The following IL1RAPL1 variants were observed in gnomAD, a reference collection of about 807,000 sequenced individuals.
IL1RAPL1 encodes interleukin 1 receptor accessory protein like 1.
A neutral mutation model predicts 48.4 loss-of-function variants in IL1RAPL1; 3 were observed. The ratio of observed to expected loss-of-function variants is 0.06; its 90% CI spans 0.03 to 0.16. The LOEUF (loss-of-function observed/expected upper bound fraction) is 0.16, where lower values mean the gene tolerates loss of function less well. IL1RAPL1 is among the 10% of genes least tolerant of loss of function. The pLI, the probability that IL1RAPL1 is intolerant of heterozygous loss-of-function variation, is 1.00. For missense variants in IL1RAPL1, 349 were observed against 530.6 expected (o/e 0.66, Z 3.36); for synonymous variants, 185 against 187.7 (o/e 0.99, Z 0.12).
intron 6 of IL1RAPL1, among the ~76,000 whole-genome samples, chrX:29,865,636 C>CTTTTTTTTTTTTTTTTTTTTT (rs1171882981): frequency 2.6e-5 from 2 of 76,340 alleles, no homozygotes; most frequent in Non-Finnish European, 4.9e-5. Flanking sequence ...CTTTTCTTTT[C>CTTTTTTTTTTTTTTTTTTTTT]TTTTTTTTTT....
intron 2 of IL1RAPL1, among the ~76,000 whole-genome samples, chrX:29,188,571 G>A (rs1308347416): frequency 9.9e-6 from 1 of 100,954 alleles, no homozygotes; most frequent in Non-Finnish European, 2.0e-5. Context: ...ACTGTAGTTG[G>A]GTTAAAACAT....
intron 6 of IL1RAPL1, among the ~76,000 whole-genome samples, chrX:29,741,656 C>T (rs1236654997): frequency 9.1e-6 from 1 of 109,547 alleles, no homozygotes; most frequent in Non-Finnish European, 1.9e-5. Context: ...TGCGGTGGCT[C>T]ACACCTGTAA....
intron 2 of IL1RAPL1, among the ~76,000 whole-genome samples, chrX:29,191,573 C>G (rs1388308170): frequency 8.9e-6 from 1 of 111,993 alleles, no homozygotes. Flanking sequence ...TCTTTCCCTG[C>G]CATGTACTTT....
intron 1 of IL1RAPL1, among the ~76,000 whole-genome samples, chrX:28,716,970 C>G (rs1359637469): frequency 9.0e-6 from 1 of 111,636 alleles, no homozygotes; most frequent in Non-Finnish European, 1.9e-5. Flanking sequence ...CCATCTCACA[C>G]CAGTCAGAAT....
chrX:29,449,332 A>G (rs1410556496), intron 5 of IL1RAPL1, among the ~76,000 whole-genome samples: 1 of 110,921 alleles, frequency 9.0e-6, no homozygotes, highest in Non-Finnish European at 1.9e-5. Flanking sequence ...GGTAACAGTT[A>G]TATGTAAGTA....
intron 5 of IL1RAPL1, among the ~76,000 whole-genome samples, chrX:29,498,709 G>A (rs1258581761): frequency 2.7e-5 from 3 of 110,667 alleles, no homozygotes; most frequent in Non-Finnish European, 5.7e-5. Context: ...TATATTATTT[G>A]TACTGATTAA....
intron 1 of IL1RAPL1, among the ~76,000 whole-genome samples, chrX:28,741,072 G>T: frequency 9.0e-6 from 1 of 111,662 alleles, no homozygotes; most frequent in Non-Finnish European, 1.9e-5. Context: ...TAATGAGATT[G>T]CTGGGCTGAA....
At chrX:29,217,415 A>G (rs1297633601) in intron 2 of IL1RAPL1, among the ~76,000 whole-genome samples, 1 of 112,458 alleles carries the variant, frequency 8.9e-6, no homozygotes, top group Non-Finnish European at 1.9e-5. Flanking sequence ...TAGCTGTTAC[A>G]GCAGAAGAAT....
intron 3 of IL1RAPL1, among the ~76,000 whole-genome samples, chrX:29,388,962 A>T (rs1249476333): frequency 8.9e-6 from 1 of 112,370 alleles, no homozygotes; most frequent in African/African-American, 3.2e-5. Flanking sequence ...GTGTCTAAGA[A>T]TTCAAACAGC....
Position 29,467,097 on chromosome X carries a change from C to T in IL1RAPL1, c.703+67789C>T, listed in dbSNP as rs529807508. On this transcript the variant is annotated intron_variant, in intron 5 of 10. Coordinates refer to ENST00000378993, the MANE Select transcript of IL1RAPL1 (RefSeq NM_014271.4). ...TGCCTTCAGGGGTATGTGGTCCCAGCTCAAACATTACTAATACTAATGTTT... is the reference window on the plus strand; with the variant it reads ...TGCCTTCAGGGGTATGTGGTCCCAGTTCAAACATTACTAATACTAATGTTT... Among the ~76,000 whole-genome samples the T allele has an allele frequency of 3.2e-4, 36 of 111,723 alleles. No homozygotes were observed. In the South Asian group the frequency reaches 0.012, roughly 38 times the overall value.
chrX:29,906,353 CAA>C, intron 6 of IL1RAPL1, among the ~76,000 whole-genome samples: 1 of 62,171 alleles, frequency 1.6e-5, no homozygotes, highest in East Asian at 4.0e-4. Context: ...AAACAAACAA[CAA>C]AAAAAAAAAC....
intron 5 of IL1RAPL1, among the ~76,000 whole-genome samples, chrX:29,496,382 G>C (rs1935213469): frequency 9.1e-6 from 1 of 109,334 alleles, no homozygotes; most frequent in Admixed American, 9.8e-5. Flanking sequence ...TCATGGCTTG[G>C]TGTTGTCTTT....
chrX:29,580,940 C>A (rs1461927290), intron 5 of IL1RAPL1, among the ~76,000 whole-genome samples: 1 of 112,023 alleles, frequency 8.9e-6, no homozygotes, highest in Non-Finnish European at 1.9e-5. Context: ...ATGACTCATT[C>A]TGTCTTAATC....
intron 5 of IL1RAPL1, among the ~76,000 whole-genome samples, chrX:29,485,021 C>T (rs1396036791): frequency 7.2e-5 from 8 of 111,511 alleles, no homozygotes; most frequent in Non-Finnish European, 1.3e-4. Flanking sequence ...ATTGTGTAAG[C>T]GTTTTCCTGA....
chrX:29,720,036 C>A (rs911332140), intron 6 of IL1RAPL1, among the ~76,000 whole-genome samples: 2 of 111,848 alleles, frequency 1.8e-5, no homozygotes, highest in African/African-American at 3.3e-5. Context: ...TAGAGAAATG[C>A]AAATCAAAAC....
chrX:28,869,498 T>C (rs1922156769), intron 2 of IL1RAPL1, among the ~76,000 whole-genome samples: 2 of 112,236 alleles, frequency 1.8e-5, no homozygotes, highest in South Asian at 7.3e-4. Flanking sequence ...TTATATAAAC[T>C]GCATAGGCAC....
intron 6 of IL1RAPL1, among the ~76,000 whole-genome samples, chrX:29,697,929 A>G (rs1926955865): frequency 9.0e-6 from 1 of 111,510 alleles, no homozygotes; most frequent in Non-Finnish European, 1.9e-5. Context: ...AAAGCGTAAT[A>G]TGGACCATGG....
intron 2 of IL1RAPL1, among the ~76,000 whole-genome samples, chrX:29,003,467 T>G (rs749683962): frequency 1.8e-5 from 2 of 112,126 alleles, no homozygotes; most frequent in Non-Finnish European, 1.9e-5. Context: ...TTTTATAGGA[T>G]GTAAATGAAG....
intron 6 of IL1RAPL1, among the ~76,000 whole-genome samples, chrX:29,755,739 T>A (rs1928594484): frequency 8.9e-6 from 1 of 112,621 alleles, no homozygotes; most frequent in South Asian, 3.7e-4. Flanking sequence ...CAGCTAACGA[T>A]GTGCTTAACA....
Sources: gnomAD v4.1 joint callset for allele counts (sites outside exome capture counted in the v4.1 genomes callset) on GRCh38, gnomAD v4.1.1 for gene constraint, MANE v1.5 for transcripts, NCBI Gene and HGNC (gene_info 2026-07-23, HGNC 2026-07-21) for gene names.